DGKG: variants seen among roughly 807,000 people sequenced by gnomAD.
DGKG encodes diacylglycerol kinase gamma, also known as DAG kinase gamma.
A neutral mutation model predicts 105.3 loss-of-function variants in DGKG; 78 were observed. That is an observed-to-expected ratio of 0.74 (90% CI 0.62 to 0.89). The LOEUF is 0.89. DGKG is among the 40% of genes least tolerant of loss of function. DGKG has a pLI of 0.00. For synonymous variants in DGKG, 346 were observed against 367.1 expected (o/e 0.94, Z 0.66); for missense variants, 958 against 1,020.1 (o/e 0.94, Z 0.83).
At position 186,150,044 on chromosome 3, in the gene DGKG, A is replaced by G. The variant is rs781164117; in HGVS notation, c.*46T>C. Reference sequence around the variant, plus strand: ...TAAATTGTGTGTGAGTGTGCATTATAGTTTCTTGCTTTCTCTCTTGGTTTA... The same window carrying G: ...TAAATTGTGTGTGAGTGTGCATTATGGTTTCTTGCTTTCTCTCTTGGTTTA... On this transcript the variant is annotated 3_prime_UTR_variant, in exon 25 of 25. Coordinates refer to ENST00000265022, the MANE Select transcript of DGKG (RefSeq NM_001346.3). 1.9e-6 allele frequency: 3 copies of G among 1,584,078 alleles called. No homozygotes were observed. In the East Asian group the frequency reaches 6.8e-5, roughly 36 times the overall value.
intron 20 of DGKG, among the ~76,000 whole-genome samples, chr3:186,222,071 T>G (rs533578251): frequency 2.6e-5 from 4 of 152,364 alleles, no homozygotes; most frequent in Non-Finnish European, 5.9e-5. Context: ...TGTGAGATGG[T>G]TGTTCCTTGG....
intron 1 of DGKG, among the ~76,000 whole-genome samples, chr3:186,333,571 A>G (rs775846561): frequency 6.6e-6 from 1 of 152,214 alleles, no homozygotes; most frequent in Non-Finnish European, 1.5e-5. Flanking sequence ...TGTGTTTTTC[A>G]TACTCCTTCT....
At chr3:186,306,219 TAC>T (rs1309886075) in intron 3 of DGKG, among the ~76,000 whole-genome samples, 1 of 152,178 alleles carries the variant, frequency 6.6e-6, no homozygotes, top group African/African-American at 2.4e-5. Flanking sequence ...AAGTATTTTG[TAC>T]AGTTTCGCTG....
intron 2 of DGKG, among the ~76,000 whole-genome samples, chr3:186,319,800 G>T (rs574475751): frequency 3.0e-4 from 45 of 152,132 alleles, no homozygotes; most frequent in Non-Finnish European, 6.6e-4. Flanking sequence ...TTGGTTCTGG[G>T]GCACAACTAA....
chr3:186,252,738 G>A (rs981737681), intron 18 of DGKG, among the ~76,000 whole-genome samples: 1 of 152,210 alleles, frequency 6.6e-6, no homozygotes, highest in African/African-American at 2.4e-5. Flanking sequence ...AAACATCTAA[G>A]TGAGCACCTT....
intron 21 of DGKG, among the ~76,000 whole-genome samples, chr3:186,204,158 C>T (rs1383830348): frequency 6.6e-6 from 1 of 152,144 alleles, no homozygotes; most frequent in African/African-American, 2.4e-5. Flanking sequence ...CCTGTAATCC[C>T]AGCACTTTGG....
chr3:186,310,340 G>A (rs1260147160), intron 2 of DGKG, among the ~76,000 whole-genome samples: 4 of 147,980 alleles, frequency 2.7e-5, no homozygotes, highest in Non-Finnish European at 5.9e-5. Context: ...CTTTCCGTGA[G>A]GTGGATTACT....
In DGKG at chr3:186,261,744, AG is replaced by A. The variant is rs1721786118; in HGVS notation, c.1303del (p.Leu435CysfsTer5). 4.2e-6 allele frequency: 6 copies of A among 1,438,790 alleles called. No individual in the cohort carries two copies. Among genetic ancestry groups the A allele is most frequent in the African/African-American group, 1.4e-5 (1 of 70,030 alleles). 89.1% of individuals were successfully genotyped at this position (1,438,790 alleles called of 1,614,324 possible). On this transcript the variant is annotated frameshift_variant, in exon 15 of 25. Transcript: ENST00000265022. LOFTEE classifies it high-confidence loss of function. ...KIIPTPGTHP[L>X]LVLVNPKSGG... ...ACTCTTGGGGTTCACCAAGACCAGCAGGGGGTGGGTACCCGGGGTGGGGATG... is the reference window on the plus strand; with the variant it reads ...ACTCTTGGGGTTCACCAAGACCAGCAGGGGTGGGTACCCGGGGTGGGGATG...
rs544323217 is a variant in DGKG, at chr3:186,193,367, A to C, written c.1918-4988T>G. On this transcript the variant is annotated intron_variant, in intron 21 of 24. Transcript: ENST00000265022. ...AGGATAGGGGAATAACATCTGCCTT[A>C]AGGGGTGGGTTGATGGGTGTCTGGA... 2.1e-3 allele frequency among the ~76,000 whole-genome samples: 324 copies of C among 152,316 alleles called. 2 individuals are homozygous for C. The highest frequency in any genetic ancestry group is 0.01 in the Middle Eastern group (3 of 294).
At position 186,249,118 on chromosome 3, in the gene DGKG, G is replaced by T. The variant is rs548341007; in HGVS notation, c.1761+2641C>A. Among the ~76,000 whole-genome samples the T allele has an allele frequency of 3.3e-5, 5 of 152,232 alleles. No individual in the cohort carries two copies. In the East Asian group the frequency reaches 9.7e-4, roughly 29 times the overall value. ...AACAGCCGGTCCAAAAAGGAGAGGG[G>T]CCTTTGAGCACGAAGAGGAGGGAGG... On this transcript the variant is annotated intron_variant, in intron 19 of 24. Transcript: ENST00000265022.
chr3:186,345,446 C>G (rs1338375542), intron 1 of DGKG, among the ~76,000 whole-genome samples: 1 of 152,080 alleles, frequency 6.6e-6, no homozygotes, highest in East Asian at 1.9e-4. Context: ...TTTAATGCTT[C>G]CTTACTGTCT....
At chr3:186,255,958 C>A (rs1313904357) in intron 17 of DGKG, among the ~76,000 whole-genome samples, 1 of 152,070 alleles carries the variant, frequency 6.6e-6, no homozygotes, top group Non-Finnish European at 1.5e-5. Flanking sequence ...CTTCTGTGAT[C>A]TTCCTTCTTT....
chr3:186,160,740 C>T (rs987973683), intron 24 of DGKG: 15 of 985,260 alleles, frequency 1.5e-5, no homozygotes, highest in Admixed American at 6.2e-5. Flanking sequence ...GAGGGTATTA[C>T]GCATGTAGTA....
intron 1 of DGKG, among the ~76,000 whole-genome samples, chr3:186,328,878 C>T (rs1725472407): frequency 1.3e-5 from 2 of 152,152 alleles, no homozygotes; most frequent in South Asian, 4.1e-4. Context: ...TGCGCCCGGC[C>T]TTACACCATT....
chr3:186,330,586 G>A (rs1483704826), intron 1 of DGKG, among the ~76,000 whole-genome samples: 1 of 152,186 alleles, frequency 6.6e-6, no homozygotes, highest in African/African-American at 2.4e-5. Flanking sequence ...TTGCTGGAGA[G>A]ATCACATAGA....
chr3:186,197,586 G>A (rs1331430992), intron 21 of DGKG, among the ~76,000 whole-genome samples: 5 of 152,178 alleles, frequency 3.3e-5, no homozygotes, highest in Admixed American at 1.3e-4. Context: ...TACCGTGGGC[G>A]GGGAGCAGCC....
At chr3:186,327,035 G>T (rs1229395571) in intron 1 of DGKG, among the ~76,000 whole-genome samples, 1 of 152,090 alleles carries the variant, frequency 6.6e-6, no homozygotes, top group Non-Finnish European at 1.5e-5. Flanking sequence ...ATGGTGGTGT[G>T]CATCTGTGGT....
Position 186,148,377 on chromosome 3 carries a change from C to G in DGKG, c.*1713G>C. On this transcript the variant is annotated 3_prime_UTR_variant, in exon 25 of 25. Transcript: ENST00000265022. ...TGAGGTGACATGTGGAGAGTTCAGT[C>G]TGATGATCTGTTTAGTACCTTCGAT... 1 of 985,430 alleles carries G rather than the reference C, an allele frequency of 1.0e-6. No homozygotes were observed. The highest frequency in any genetic ancestry group is 4.7e-5 in the South Asian group (1 of 21,290). 61.0% of individuals were successfully genotyped at this position (985,430 alleles called of 1,614,324 possible).
At chr3:186,243,065 T>G (rs1283321766) in intron 19 of DGKG, among the ~76,000 whole-genome samples, 1 of 151,842 alleles carries the variant, frequency 6.6e-6, no homozygotes, top group African/African-American at 2.4e-5. Flanking sequence ...TCACTCAGCT[T>G]CCCCCAATGA....
Sources: gnomAD v4.1 joint callset for allele counts (sites outside exome capture counted in the v4.1 genomes callset) on GRCh38, gnomAD v4.1.1 for gene constraint, MANE v1.5 for transcripts, NCBI Gene and HGNC (gene_info 2026-07-23, HGNC 2026-07-21) for gene names.